CA10: variants seen among roughly 807,000 people sequenced by gnomAD.
CA10 encodes carbonic anhydrase-related protein 10.
CA10 carries 14 observed loss-of-function variants against 44.2 expected under a neutral mutation model. The ratio of observed to expected loss-of-function variants is 0.32; its 90% CI spans 0.21 to 0.50. The LOEUF is 0.50. Among genes scored for constraint, CA10 ranks in the 20% least tolerant of loss-of-function variants. The pLI, the probability that CA10 is intolerant of heterozygous loss-of-function variation, is 0.99. For synonymous variants in CA10, 159 were observed against 141.6 expected (o/e 1.12, Z -0.87); for missense variants, 350 against 409.7 (o/e 0.85, Z 1.26).
intron 3 of CA10, among the ~76,000 whole-genome samples, chr17:51,916,639 G>A (rs6504752): frequency 0.41 from 62,269 of 151,976 alleles, 14,609 homozygotes; most frequent in African/African-American, 0.65. Context: ...TAGGTCCATT[G>A]AACCTCTTTT....
At chr17:51,892,405 T>C (rs1980896416) in intron 3 of CA10, among the ~76,000 whole-genome samples, 1 of 152,154 alleles carries the variant, frequency 6.6e-6, no homozygotes, top group Non-Finnish European at 1.5e-5. Flanking sequence ...TTATAAACAA[T>C]CCTGGGAGAT....
intron 1 of CA10, among the ~76,000 whole-genome samples, chr17:52,081,620 GA>G (rs1987980782): frequency 6.6e-6 from 1 of 151,940 alleles, no homozygotes; most frequent in East Asian, 1.9e-4. Flanking sequence ...CTAAAACGGT[GA>G]AACCCCGTCT....
In CA10 at chr17:52,014,131, C is replaced by T. The variant is rs1985894555; in HGVS notation, c.136+58188G>A. ...AATATCAGGTACCATTTAAAAATAA[C>T]CTTATAATGAAAAATTATAAATTCA... is the stretch of plus-strand genomic sequence containing the variant. On this transcript the variant is annotated intron_variant, in intron 2 of 8. Coordinates refer to ENST00000451037, the MANE Select transcript of CA10 (RefSeq NM_020178.5). Among the ~76,000 whole-genome samples, 4 of 150,924 alleles carry T rather than the reference C, an allele frequency of 2.7e-5. No individual in the cohort carries two copies. In the South Asian group the frequency reaches 8.3e-4, roughly 31 times the overall value.
chr17:52,060,312 GACGAAAGAGAC>G (rs1987346700), intron 2 of CA10, among the ~76,000 whole-genome samples: 1 of 152,020 alleles, frequency 6.6e-6, no homozygotes, highest in South Asian at 2.1e-4. Context: ...GCCCAGAGGA[GACGAAAGAGAC>G]ATGAAGGCTA....
At chr17:51,892,530 T>G (rs1328725099) in intron 3 of CA10, among the ~76,000 whole-genome samples, 3 of 152,192 alleles carry the variant, frequency 2.0e-5, no homozygotes, top group Non-Finnish European at 4.4e-5. Context: ...TCTCTGGCTT[T>G]CAATATCCTT....
chr17:51,671,775 G>A (rs1400343147), intron 4 of CA10, among the ~76,000 whole-genome samples: 1 of 152,186 alleles, frequency 6.6e-6, no homozygotes, highest in Non-Finnish European at 1.5e-5. Context: ...ATTTCTGTTA[G>A]TGGAACGCCC....
intron 5 of CA10, among the ~76,000 whole-genome samples, chr17:51,651,956 T>G (rs1291796091): frequency 6.6e-6 from 1 of 152,230 alleles, no homozygotes; most frequent in Non-Finnish European, 1.5e-5. Flanking sequence ...ATCAATGCCA[T>G]AATCAGGGCT....
intron 2 of CA10, among the ~76,000 whole-genome samples, chr17:52,011,562 G>GA (rs900131111): frequency 1.3e-4 from 19 of 151,828 alleles, no homozygotes; most frequent in African/African-American, 2.2e-4. Flanking sequence ...AAGCAAATGA[G>GA]AAAAAAAATC....
chr17:52,004,705 T>G (rs549806843), intron 2 of CA10, among the ~76,000 whole-genome samples: 1 of 151,682 alleles, frequency 6.6e-6, no homozygotes, highest in Admixed American at 6.6e-5. Context: ...AGTATTTTAA[T>G]AATTAATATG....
intron 2 of CA10, among the ~76,000 whole-genome samples, chr17:51,982,491 A>C (rs1984685378): frequency 6.6e-6 from 1 of 151,978 alleles, no homozygotes; most frequent in African/African-American, 2.4e-5. Flanking sequence ...AACCTTTAAA[A>C]ACAAAGCATT....
chr17:51,875,145 T>TA (rs1461145133), intron 3 of CA10, among the ~76,000 whole-genome samples: 2 of 152,074 alleles, frequency 1.3e-5, no homozygotes, highest in Non-Finnish European at 2.9e-5. Flanking sequence ...AGCTAATTTC[T>TA]AAATGTTTTT....
chr17:52,051,614 T>C (rs1987074688), intron 2 of CA10, among the ~76,000 whole-genome samples: 1 of 152,012 alleles, frequency 6.6e-6, no homozygotes, highest in Admixed American at 6.6e-5. Context: ...TCAGAATGGC[T>C]GTTATTAAAA....
At chr17:52,021,656 G>A (rs1986143325) in intron 2 of CA10, among the ~76,000 whole-genome samples, 1 of 151,910 alleles carries the variant, frequency 6.6e-6, no homozygotes, top group Admixed American at 6.6e-5. Flanking sequence ...TAGACTACTA[G>A]CTAGATTAAC....
At chr17:51,685,177 T>C (rs1199218147) in intron 4 of CA10, among the ~76,000 whole-genome samples, 1 of 152,226 alleles carries the variant, frequency 6.6e-6, no homozygotes, top group East Asian at 1.9e-4. Context: ...CCAGCTTGAT[T>C]AGAGATAGCC....
At chr17:52,075,305 A>G (rs543013123) in intron 1 of CA10, among the ~76,000 whole-genome samples, 1 of 152,326 alleles carries the variant, frequency 6.6e-6, no homozygotes, top group Non-Finnish European at 1.5e-5. Context: ...ACAGACACAA[A>G]TAACAACTTC....
intron 2 of CA10, among the ~76,000 whole-genome samples, chr17:51,966,178 A>G (rs6504753): frequency 0.91 from 138,297 of 151,898 alleles, 63,025 homozygotes; most frequent in East Asian, 0.95. Flanking sequence ...TCTCTACAAC[A>G]AGAACTTCAA....
chr17:51,760,481 G>A (rs1905188996), intron 3 of CA10, among the ~76,000 whole-genome samples: 1 of 152,112 alleles, frequency 6.6e-6, no homozygotes, highest in African/African-American at 2.4e-5. Flanking sequence ...GCGGTATGGA[G>A]GAGCATCATC....
chr17:51,821,195 G>C (rs1319501304), intron 3 of CA10, among the ~76,000 whole-genome samples: 1 of 147,606 alleles, frequency 6.8e-6, no homozygotes, highest in Non-Finnish European at 1.5e-5. Flanking sequence ...GGATATTCAG[G>C]TGCTAGATGC....
chr17:51,639,763 T>C (rs1329302134), intron 6 of CA10, among the ~76,000 whole-genome samples: 2 of 152,226 alleles, frequency 1.3e-5, no homozygotes, highest in Non-Finnish European at 2.9e-5. Context: ...AGTGTGAGTT[T>C]TAGACTCACA....
Sources: allele counts gnomAD v4.1 joint callset (sites outside exome capture counted in the v4.1 genomes callset), GRCh38; gene constraint gnomAD v4.1.1; transcripts MANE v1.5; gene names NCBI Gene and HGNC (gene_info 2026-07-23, HGNC 2026-07-21).